Variants in OTUD6B observed in about 807,000 individuals in gnomAD.
OTUD6B encodes OTU deubiquitinase 6B, also known as deubiquitinase OTUD6B.
Under a neutral mutation model 36.9 loss-of-function variants are expected in OTUD6B, and 41 were observed. The ratio of observed to expected loss-of-function variants is 1.11; its 90% confidence interval spans 0.87 to 1.44. The LOEUF (loss-of-function observed/expected upper bound fraction) is 1.44. OTUD6B is among the 40% of genes most tolerant of loss of function. The probability of loss-of-function intolerance (pLI) is 0.00; values close to 1 mark genes in which losing one functional copy is unlikely to be tolerated. For synonymous variants in OTUD6B, 114 were observed against 114.2 expected (o/e 1.00, Z 0.01); for missense variants, 356 against 344.8 (o/e 1.03, Z -0.26).
chr8:91,074,565 T>C (rs1812768048), intron 3 of OTUD6B, among the ~76,000 whole-genome samples: 2 of 152,074 alleles, frequency 1.3e-5, no homozygotes, highest in South Asian at 4.1e-4. Context: ...GGGTGATATA[T>C]TGCATTATTG....
chr8:91,073,682 C>T, intron 2 of OTUD6B, 149 bp from the exon 3 acceptor site: 1 of 1,119,456 alleles, frequency 8.9e-7, no homozygotes, highest in Non-Finnish European at 1.2e-6. Flanking sequence ...CAAATTCTTC[C>T]ATAAAAATAG....
At position 91,084,844 on chromosome 8, in the gene OTUD6B, CAT is replaced by C. The variant is rs2130448185; in HGVS notation, c.860_861del (p.Ile287SerfsTer3). Reference sequence around the variant, plus strand: ...ATAATTCGGTTACACGGTTGGTAAACATAGTTACTGAAAATTGCAGCTAATTT... The same window carrying C: ...ATAATTCGGTTACACGGTTGGTAAACAGTTACTGAAAATTGCAGCTAATTT... ...HYNSVTRLVN[I>X]VTENCS On this transcript the variant is annotated frameshift_variant, in exon 7 of 7. Transcript: ENST00000404789. LOFTEE classifies it high-confidence loss of function. The C allele has an allele frequency of 6.4e-7, 1 of 1,566,942 alleles. No individual in the cohort carries two copies. Among genetic ancestry groups the C allele is most frequent in the East Asian group, 2.3e-5 (1 of 43,630 alleles).
intron 4 of OTUD6B, chr8:91,080,398 A>G (rs1410849508): frequency 3.1e-5 from 6 of 191,318 alleles, no homozygotes; most frequent in Non-Finnish European, 5.8e-5. Flanking sequence ...AGAGTGAGGT[A>G]GGTTTGTTAT....
chr8:91,070,808 G>A (rs1812679290), intron 1 of OTUD6B, among the ~76,000 whole-genome samples: 1 of 151,988 alleles, frequency 6.6e-6, no homozygotes. Flanking sequence ...GTCCCTAATG[G>A]GTGTATTTTG....
chr8:91,085,048 T>A lies in OTUD6B; in HGVS notation c.*180T>A. The A allele has an allele frequency of 2.9e-6, 1 of 348,652 alleles. No individual in the cohort carries two copies. Among genetic ancestry groups the A allele is most frequent in the African/African-American group, 2.1e-5 (1 of 46,644 alleles). The allele number at this position is 348,652 out of a possible 1,614,324, so 21.6% of individuals were successfully genotyped here. On this transcript the variant is annotated 3_prime_UTR_variant, in exon 7 of 7. Coordinates refer to ENST00000404789, the MANE Select transcript of OTUD6B (RefSeq NM_016023.5). Reference sequence around the variant, plus strand: ...GAGATAAACTTTAACCAGTGTCTTCTTAGTGGAATTTTAAAAATTTGTTAA... The same window carrying A: ...GAGATAAACTTTAACCAGTGTCTTCATAGTGGAATTTTAAAAATTTGTTAA...
intron 2 of OTUD6B, 107 bp from the exon 3 acceptor site, chr8:91,073,724 A>C: frequency 7.4e-7 from 1 of 1,355,176 alleles, no homozygotes; most frequent in East Asian, 2.7e-5. Flanking sequence ...TATCTAATAC[A>C]GTGTCTATTG....
chr8:91,078,249 G>C, intron 3 of OTUD6B, 107 bp from the exon 4 acceptor site: 1 of 1,446,092 alleles, frequency 6.9e-7, no homozygotes, highest in Non-Finnish European at 9.0e-7. Flanking sequence ...CGAGAAGGGA[G>C]AATAAACACC....
chr8:91,077,447 T>A (rs73694375), intron 3 of OTUD6B, among the ~76,000 whole-genome samples: 3,233 of 152,158 alleles, frequency 0.021, 118 homozygotes, highest in African/African-American at 0.073. Context: ...CTCTAGGAAC[T>A]GTTTTTAGCT....
rs762965198 is a variant in OTUD6B at position 91,078,346 on chromosome 8, C to T, written c.316-10C>T. ...TATGAATTAACTTTCATGCATTCTG[C>T]TTTTCTTAGGAAAAGAAAGCTGCAT... On this transcript the variant is annotated splice_polypyrimidine_tract_variant and intron_variant, in intron 3 of 6. Transcript: ENST00000404789. The T allele has an allele frequency of 1.3e-6, 2 of 1,547,566 alleles. No homozygotes were observed. Among genetic ancestry groups the T allele is most frequent in the Admixed American group, 4.1e-5 (2 of 48,868 alleles).
intron 3 of OTUD6B, chr8:91,076,649 G>C: frequency 6.6e-7 from 1 of 1,516,812 alleles, no homozygotes; most frequent in South Asian, 1.2e-5. Flanking sequence ...GCTCTTACCA[G>C]CTGTATGGCC....
At chr8:91,070,524 G>A in intron 1 of OTUD6B, 58 bp downstream of exon 1, 1 of 1,513,934 alleles carries the variant, frequency 6.6e-7, no homozygotes, top group Non-Finnish European at 9.0e-7. Flanking sequence ...AGGGCGCGTG[G>A]CGGGTCGATT....
intron 4 of OTUD6B, among the ~76,000 whole-genome samples, chr8:91,080,134 A>G (rs948642383): frequency 2.0e-5 from 3 of 152,118 alleles, no homozygotes; most frequent in Admixed American, 6.6e-5. Context: ...ATACTTATGC[A>G]AGTAATGTAA....
chr8:91,071,373 T>C, intron 2 of OTUD6B, 84 bp downstream of exon 2: 1 of 1,200,562 alleles, frequency 8.3e-7, no homozygotes, highest in South Asian at 1.5e-5. Context: ...GCTTTTTTTT[T>C]TTTTTTTGAG....
chr8:91,078,748 G>A (rs1025449775), intron 4 of OTUD6B, 80 bp downstream of exon 4: 9 of 904,636 alleles, frequency 9.9e-6, no homozygotes, highest in Admixed American at 3.2e-5. Context: ...AGCACTGAGC[G>A]TAAGAAGAAC....
Position 91,073,651 on chromosome 8 carries a change from A to G in OTUD6B, c.235-180A>G. The G allele has an allele frequency of 1.1e-5, 6 of 547,762 alleles. No individual in the cohort carries two copies. In the South Asian group the frequency reaches 3.3e-4, roughly 30 times the overall value. The allele number at this position is 547,762 out of a possible 1,614,324, so 33.9% of individuals were successfully genotyped here. A position where few individuals can be genotyped will look rare whatever the true frequency, so the allele number is the denominator to read the frequency against. On this transcript the variant is annotated intron_variant, in intron 2 of 6. Coordinates refer to ENST00000404789, the MANE Select transcript of OTUD6B (RefSeq NM_016023.5). ...TGCAGGGATGAGCATGATCTTTGAA[A>G]GAAACTTCTTGGGAACTTGTCAAAT... is the stretch of plus-strand genomic sequence containing the variant.
intron 4 of OTUD6B, among the ~76,000 whole-genome samples, chr8:91,079,529 A>T (rs1181696228): frequency 6.6e-6 from 1 of 152,164 alleles, no homozygotes; most frequent in Admixed American, 6.5e-5. Context: ...ACTTAAGCAT[A>T]ATCTAATTCT....
chr8:91,076,251 C>T (rs1812800460), intron 3 of OTUD6B, among the ~76,000 whole-genome samples: 1 of 152,054 alleles, frequency 6.6e-6, no homozygotes, highest in Admixed American at 6.6e-5. Context: ...TTATGATTTA[C>T]ATGCTATTTT....
chr8:91,080,569 C>G (rs1812883914), intron 4 of OTUD6B, 100 bp from the exon 5 acceptor site: 7 of 1,491,138 alleles, frequency 4.7e-6, no homozygotes, highest in African/African-American at 1.4e-5. Flanking sequence ...ATGTTCATAA[C>G]TTGGGCATTT....
At position 91,077,306 on chromosome 8, in the gene OTUD6B, C is replaced by A. The variant is rs79020690; in HGVS notation, c.316-1050C>A. Reference sequence around the variant, plus strand: ...GAATCCCGTCATCCAGAAAAAAGCACTATAAATACTTTGTGTATATTGTAG... The same window carrying A: ...GAATCCCGTCATCCAGAAAAAAGCAATATAAATACTTTGTGTATATTGTAG... On this transcript the variant is annotated intron_variant, in intron 3 of 6. Transcript: ENST00000404789. Among the ~76,000 whole-genome samples the A allele has an allele frequency of 9.2e-5, 14 of 151,978 alleles. No homozygotes were observed. In the East Asian group the frequency reaches 1.9e-3, roughly 21 times the overall value.
Sources: gnomAD v4.1 joint callset for allele counts (sites outside exome capture counted in the v4.1 genomes callset) on GRCh38, gnomAD v4.1.1 for gene constraint, MANE v1.5 for transcripts, NCBI Gene and HGNC (gene_info 2026-07-23, HGNC 2026-07-21) for gene names.